Variants in PVT1 observed in about 807,000 individuals in gnomAD.
PVT1 encodes the protein Pvt1 oncogene, also known as CXCR4/PVT1 fusion.
intron 4 of PVT1, among the ~76,000 whole-genome samples, chr8:128,013,395 T>TC (rs71300292): frequency 2.0e-5 from 3 of 151,740 alleles, no homozygotes; most frequent in Admixed American, 6.6e-5. Flanking sequence ...TGTTTTTTTT[T>TC]CCCCCTGGCA....
At chr8:127,860,084 A>C (rs1801870292) in intron 2 of PVT1, among the ~76,000 whole-genome samples, 1 of 152,166 alleles carries the variant, frequency 6.6e-6, no homozygotes, top group Non-Finnish European at 1.5e-5. Context: ...CTCCAGGGCT[A>C]CCAGGAACGG....
intron 5 of PVT1, among the ~76,000 whole-genome samples, chr8:128,091,557 A>G (rs953153001): frequency 5.9e-5 from 9 of 152,126 alleles, no homozygotes; most frequent in African/African-American, 1.9e-4. Context: ...TTCATTCGTG[A>G]TAACTCTCTG....
intron 3 of PVT1, among the ~76,000 whole-genome samples, chr8:127,982,902 T>C (rs977436761): frequency 6.6e-6 from 1 of 152,152 alleles, no homozygotes; most frequent in Non-Finnish European, 1.5e-5. Context: ...GAAAAGAAGA[T>C]GTGTGTCCAT....
intron 3 of PVT1, chr8:127,948,753 A>G (rs1816458983): frequency 6.6e-6 from 1 of 152,208 alleles, no homozygotes; most frequent in Admixed American, 6.5e-5. Context: ...CTCAGAAGAA[A>G]CAACTCTGAC....
At chr8:127,981,463 G>A (rs2129980286) in intron 3 of PVT1, among the ~76,000 whole-genome samples, 1 of 152,358 alleles carries the variant, frequency 6.6e-6, no homozygotes, top group Non-Finnish European at 1.5e-5. Flanking sequence ...AGTCACCCAA[G>A]TGATCAGAAC....
intron 4 of PVT1, chr8:128,009,106 A>C (rs1817282259): frequency 7.8e-6 from 2 of 257,214 alleles, no homozygotes; most frequent in Admixed American, 7.2e-5. Flanking sequence ...CATAGATTAA[A>C]AGCAGATAAA....
intron 4 of PVT1, among the ~76,000 whole-genome samples, chr8:128,006,149 A>AAAAATT (rs1817245594): frequency 6.7e-6 from 1 of 148,624 alleles, no homozygotes. Context: ...TAATAATAAT[A>AAAAATT]AAAAGATAAG....
At chr8:128,012,879 AT>A (rs1183120423) in intron 4 of PVT1, among the ~76,000 whole-genome samples, 2 of 152,088 alleles carry the variant, frequency 1.3e-5, no homozygotes, top group Non-Finnish European at 2.9e-5. Flanking sequence ...CTAGAGAGGG[AT>A]CTGGGCTTTG....
chr8:127,945,652 C>T (rs1340481106), intron 3 of PVT1, among the ~76,000 whole-genome samples: 3 of 152,302 alleles, frequency 2.0e-5, no homozygotes, highest in South Asian at 2.1e-4. Flanking sequence ...TTATCTGAAA[C>T]GATTCCCTTT....
chr8:128,091,417 A>G (rs946838995), intron 5 of PVT1, among the ~76,000 whole-genome samples: 4 of 152,142 alleles, frequency 2.6e-5, no homozygotes, highest in Admixed American at 6.5e-5. Flanking sequence ...TTTATTCAGA[A>G]TCATCCTCCA....
intron 3 of PVT1, among the ~76,000 whole-genome samples, chr8:127,931,832 T>C (rs1816209449): frequency 6.6e-6 from 1 of 152,212 alleles, no homozygotes; most frequent in Non-Finnish European, 1.5e-5. Context: ...CATCAGATGT[T>C]TTTGCCAATC....
chr8:127,932,247 C>T (rs772702245), intron 3 of PVT1, among the ~76,000 whole-genome samples: 11 of 152,178 alleles, frequency 7.2e-5, no homozygotes, highest in Admixed American at 1.3e-4. Context: ...GGATTAGCCT[C>T]AAGGAGGCAG....
At chr8:128,006,573 C>T (rs2130027737) in intron 4 of PVT1, among the ~76,000 whole-genome samples, 1 of 152,258 alleles carries the variant, frequency 6.6e-6, no homozygotes, top group Non-Finnish European at 1.5e-5. Flanking sequence ...ATCACACTTT[C>T]ACCAAACTAA....
chr8:127,865,791 A>G (rs1284465022), intron 2 of PVT1, among the ~76,000 whole-genome samples: 1 of 152,174 alleles, frequency 6.6e-6, no homozygotes, highest in East Asian at 1.9e-4. Context: ...AGTGAATGCA[A>G]TGGGCGCAGC....
intron 3 of PVT1, chr8:127,960,707 A>C (rs1294925193): frequency 1.4e-5 from 7 of 515,362 alleles, no homozygotes; most frequent in Non-Finnish European, 2.8e-5. Flanking sequence ...TCCATTTTTC[A>C]GACACAAAAA....
intron 4 of PVT1, among the ~76,000 whole-genome samples, chr8:128,053,229 G>A (rs976098015): frequency 6.6e-6 from 1 of 152,012 alleles, no homozygotes; most frequent in Admixed American, 6.6e-5. Context: ...TTAAGTCTTG[G>A]TTTTGTTAGA....
At chr8:127,894,876 GCTGATT>G (rs1238568946) in intron 3 of PVT1, among the ~76,000 whole-genome samples, 3 of 152,198 alleles carry the variant, frequency 2.0e-5, no homozygotes, top group Non-Finnish European at 4.4e-5. Flanking sequence ...TGTCATGTCT[GCTGATT>G]CTCCCCAAAT....
intron 2 of PVT1, among the ~76,000 whole-genome samples, chr8:127,804,537 G>GTTT (rs1814504143): frequency 8.0e-6 from 1 of 125,096 alleles, no homozygotes; most frequent in African/African-American, 3.5e-5. Flanking sequence ...GTTGCATCCT[G>GTTT]ATTTTTTTTT....
rs551078501 is a variant in PVT1, at chr8:127,858,468, C to T, written n.373-32121C>T. On this transcript the variant is annotated intron_variant and non_coding_transcript_variant, in intron 2 of 10. Transcript: ENST00000651587. The stretch of plus-strand genomic sequence containing the variant: ...TAAATAAAAGATGGTCTTGAGGTTT[C>T]GGTTTGGGCATAGGTTACCTTCTGC... Among the ~76,000 whole-genome samples, 13 of 151,668 alleles carry T rather than the reference C, an allele frequency of 8.6e-5. No individual in the cohort carries two copies. In the South Asian group the frequency reaches 2.5e-3, roughly 29 times the overall value.
Sources: allele counts gnomAD v4.1 joint callset (sites outside exome capture counted in the v4.1 genomes callset), GRCh38; gene constraint gnomAD v4.1.1; transcripts MANE v1.5; gene names NCBI Gene and HGNC (gene_info 2026-07-23, HGNC 2026-07-21).